The following DHX34 variants were observed in gnomAD, a reference collection of about 807,000 sequenced individuals.
DHX34 encodes DExH-box helicase 34, also known as probable ATP-dependent RNA helicase DHX34.
Under a neutral mutation model 111.1 loss-of-function variants are expected in DHX34, and 96 were observed. The observed-to-expected ratio is 0.86, with a 90% CI of 0.73 to 1.02. The LOEUF (loss-of-function observed/expected upper bound fraction) is 1.02, where lower values mean the gene tolerates loss of function less well. DHX34 is among the 50% of genes least tolerant of loss of function. The pLI, the probability that DHX34 is intolerant of heterozygous loss-of-function variation, is 0.00. For missense variants in DHX34, 1,560 were observed against 1,579.9 expected (o/e 0.99, Z 0.21); for synonymous variants, 688 against 670.4 (o/e 1.03, Z -0.41).
In DHX34 at chr19:47,352,819, GGTACCCTT is replaced by G; in HGVS notation, c.-211_-204del. On this transcript the variant is annotated 5_prime_UTR_variant, in exon 2 of 17. It removes the in-frame stop codon of an upstream open reading frame in the 5' UTR. Coordinates refer to ENST00000328771, the MANE Select transcript of DHX34 (RefSeq NM_014681.6). The stretch of plus-strand genomic sequence containing the variant: ...CCAGAGATCACTGCAGATGTCATGA[GGTACCCTT>G]TGTGTCACCAGCTCAAGCAGGCCTC... 1.1e-6 allele frequency: 1 copy of G among 937,122 alleles called. No individual in the cohort carries two copies. The highest frequency in any genetic ancestry group is 1.5e-6 in the Non-Finnish European group (1 of 651,308). The allele number at this position is 937,122 out of a possible 1,614,324, so 58.1% of individuals were successfully genotyped here. A position where few individuals can be genotyped will look rare whatever the true frequency, so the allele number is the denominator to read the frequency against.
Position 47,375,675 on chromosome 19 carries a change from C to G in DHX34, c.2274C>G (p.Ala758=), listed in dbSNP as rs781597628. 6.4e-7 allele frequency: 1 copy of G among 1,558,002 alleles called. No individual in the cohort carries two copies. The highest frequency in any genetic ancestry group is 8.7e-7 in the Non-Finnish European group (1 of 1,155,420). Residue 758 remains alanine, a synonymous_variant, in exon 10 of 17, where the codon GCC becomes GCG. Coordinates refer to ENST00000328771, the MANE Select transcript of DHX34 (RefSeq NM_014681.6). ...GSSDEDRAGP[A]PPGASDGVDI... ...GTGACGAGGACAGGGCTGGCCCAGCCCCCCCAGGGGCCAGTGATGGCGTGG... is the reference window on the plus strand; with the variant it reads ...GTGACGAGGACAGGGCTGGCCCAGCGCCCCCAGGGGCCAGTGATGGCGTGG...
chr19:47,350,381 G>A (rs1419089595), intron 1 of DHX34, among the ~76,000 whole-genome samples: 1 of 152,062 alleles, frequency 6.6e-6, no homozygotes, highest in Admixed American at 6.6e-5. Flanking sequence ...TTCAGGCTGG[G>A]TGACAGAGTG....
chr19:47,355,179 T>C lies in DHX34; in HGVS notation c.846T>C (p.His282=). The C allele has an allele frequency of 6.2e-7, 1 of 1,614,190 alleles. No individual in the cohort carries two copies. The highest frequency in any genetic ancestry group is 8.5e-7 in the Non-Finnish European group (1 of 1,180,032). The change falls in exon 3 of 17, where the codon CAT becomes CAC. Residue 282 remains histidine (H), a synonymous_variant. Transcript: ENST00000328771. The part of the protein sequence containing the change: ...QYEVLIVDEV[H]ERHLHNDFLL... Reference sequence around the variant, plus strand: ...AGGTCCTGATTGTGGATGAAGTCCATGAGCGGCATCTCCACAACGATTTCC... The same window carrying C: ...AGGTCCTGATTGTGGATGAAGTCCACGAGCGGCATCTCCACAACGATTTCC...
At chr19:47,369,956 T>C (rs1161711921) in intron 7 of DHX34, among the ~76,000 whole-genome samples, 1 of 152,074 alleles carries the variant, frequency 6.6e-6, no homozygotes, top group African/African-American at 2.4e-5. Flanking sequence ...CACAAGCAGA[T>C]GTGGTGCTCC....
At position 47,372,655 on chromosome 19, in the gene DHX34, G is replaced by A. The variant is rs1478009241; in HGVS notation, c.1769-75G>A. On this transcript the variant is annotated intron_variant, in intron 7 of 16. Transcript: ENST00000328771. ...GAGCAGGAGGGCAGGCGGGAGGGCA[G>A]GCTGGGGCCCCGAGGGGTGAGGGCT... The A allele has an allele frequency of 1.2e-5, 18 of 1,470,856 alleles. No homozygotes were observed. In the East Asian group the frequency reaches 4.6e-4, roughly 38 times the overall value. The allele number at this position is 1,470,856 out of a possible 1,614,324, so 91.1% of individuals were successfully genotyped here. A position where few individuals can be genotyped will look rare whatever the true frequency, so the allele number is the denominator to read the frequency against.
intron 7 of DHX34, among the ~76,000 whole-genome samples, chr19:47,370,781 A>T (rs1403839258): frequency 2.6e-5 from 4 of 152,006 alleles, no homozygotes; most frequent in Admixed American, 2.6e-4. Context: ...GGTTCAAGTG[A>T]TCCTCCCACC....
At position 47,381,483 on chromosome 19, in the gene DHX34, TC is replaced by T; in HGVS notation, c.3298+160del. 7 of 1,108,710 alleles carry T rather than the reference TC, an allele frequency of 6.3e-6. No individual in the cohort carries two copies. In the South Asian group the frequency reaches 1.2e-4, roughly 19 times the overall value. 68.7% of individuals were successfully genotyped at this position (1,108,710 alleles called of 1,614,324 possible). A position where few individuals can be genotyped will look rare whatever the true frequency, so the allele number is the denominator to read the frequency against. Reference sequence around the variant, plus strand: ...CCACACACAGGCCTTGTCCTGAAGATCAGGAGCCCAAGGCAGGGAGAGCCTG... The same window carrying T: ...CCACACACAGGCCTTGTCCTGAAGATAGGAGCCCAAGGCAGGGAGAGCCTG... On this transcript the variant is annotated intron_variant, in intron 16 of 16. Transcript: ENST00000328771.
rs1969801862 is a variant in DHX34 at position 47,366,904 on chromosome 19, T to G, written c.1594-77T>G. 2.8e-6 allele frequency: 4 copies of G among 1,419,198 alleles called. No homozygotes were observed. In the South Asian group the frequency reaches 6.5e-5, roughly 23 times the overall value. The allele number at this position is 1,419,198 out of a possible 1,614,324, so 87.9% of individuals were successfully genotyped here. A position where few individuals can be genotyped will look rare whatever the true frequency, so the allele number is the denominator to read the frequency against. ...TAGGAATTTTAAAACGTCATGAATT[T>G]GTGATCTCTGAGCCCCGCTGTGCTG... On this transcript the variant is annotated intron_variant, in intron 6 of 16. Coordinates refer to ENST00000328771, the MANE Select transcript of DHX34 (RefSeq NM_014681.6).
chr19:47,375,422 C>T, intron 9 of DHX34, 44 bp from the exon 10 acceptor site: 2 of 1,529,022 alleles, frequency 1.3e-6, no homozygotes, highest in Non-Finnish European at 8.7e-7. Flanking sequence ...CCAGAGCCCA[C>T]TGAGTCTGCC....
intron 1 of DHX34, among the ~76,000 whole-genome samples, chr19:47,352,519 T>TA (rs1969316836): frequency 6.6e-6 from 1 of 151,648 alleles, no homozygotes; most frequent in Admixed American, 6.6e-5. Flanking sequence ...CTACAAACAG[T>TA]AAAAAATTAG....
intron 13 of DHX34, among the ~76,000 whole-genome samples, chr19:47,378,819 AGAGT>A (rs1393735221): frequency 4.0e-5 from 6 of 151,612 alleles, no homozygotes; most frequent in Non-Finnish European, 8.8e-5. Flanking sequence ...CCTGGGTGAC[AGAGT>A]GAGACACTGT....
chr19:47,370,770 G>A (rs1387986849), intron 7 of DHX34, among the ~76,000 whole-genome samples: 1 of 152,120 alleles, frequency 6.6e-6, no homozygotes, highest in Non-Finnish European at 1.5e-5. Context: ...TCCACCTCCC[G>A]GGTTCAAGTG....
At chr19:47,370,670 T>TTTTATTTA (rs71180829) in intron 7 of DHX34, among the ~76,000 whole-genome samples, 4 of 151,392 alleles carry the variant, frequency 2.6e-5, no homozygotes, top group Admixed American at 2.0e-4. Flanking sequence ...TTCATTTTTG[T>TTTTATTTA]TTTATTTATT....
intron 4 of DHX34, chr19:47,359,761 G>A (rs1005850463): frequency 5.1e-5 from 42 of 823,182 alleles, no homozygotes; most frequent in South Asian, 4.4e-4. Flanking sequence ...CAGCCTGGGC[G>A]ACAGAGCAAG....
In DHX34 at chr19:47,353,283, C is replaced by G. The variant is rs201215344; in HGVS notation, c.253C>G (p.Gln85Glu). The G allele has an allele frequency of 5.0e-6, 8 of 1,614,182 alleles. No homozygotes were observed. The highest frequency in any genetic ancestry group is 2.2e-5 in the East Asian group (1 of 44,884). The change falls in exon 2 of 17, where the codon CAG becomes GAG. Residue 85 changes from glutamine to glutamate, a missense_variant. Coordinates refer to ENST00000328771, the MANE Select transcript of DHX34 (RefSeq NM_014681.6). The surrounding 1 kb of genome is among the most constrained non-coding windows in gnomAD (Gnocchi z 4.6). ...TSRKEEKDPG[Q>E]PKHSIPALAD... ...CAGGAAGGAGGAGAAAGACCCTGGA[C>G]AGCCCAAGCACAGCATCCCAGCGCT... is the stretch of plus-strand genomic sequence containing the variant.
In DHX34 at chr19:47,375,636, G is replaced by C. The variant is rs772294359; in HGVS notation, c.2235G>C (p.Gln745His). 5.8e-6 allele frequency: 9 copies of C among 1,552,676 alleles called. No homozygotes were observed. In the African/African-American group the frequency reaches 6.8e-5, roughly 12 times the overall value. ...AGGTGCTGCGGCTGCAGGAGGAGCA[G>C]GACGGCGGCTCCAGTGACGAGGACA... ...RRKVLRLQEE[Q>H]DGGSSDEDRA... The change falls in exon 10 of 17, where the codon CAG becomes CAC. Residue 745 changes from glutamine to histidine, a missense_variant. Physicochemically the swap from Gln to His is conservative, Grantham distance 24. Transcript: ENST00000328771.
At position 47,351,182 on chromosome 19, in the gene DHX34, T is replaced by C. The variant is rs990885451; in HGVS notation, c.-277-1572T>C. ...CTCATTTTCTTTTTCTTTTTTTTTT[T>C]TTTTTTTTTTTTTTGAGACAGAGTC... On this transcript the variant is annotated intron_variant, in intron 1 of 16. Coordinates refer to ENST00000328771, the MANE Select transcript of DHX34 (RefSeq NM_014681.6). Among the ~76,000 whole-genome samples the C allele has an allele frequency of 2.9e-5, 4 of 136,296 alleles. 1 individual carries two copies. The highest frequency in any genetic ancestry group is 8.2e-5 in the African/African-American group (3 of 36,744). The allele number at this position is 136,296 out of a possible 152,430, so 89.4% of individuals were successfully genotyped here.
chr19:47,356,900 C>T (rs1029143127), intron 3 of DHX34, among the ~76,000 whole-genome samples: 3 of 152,150 alleles, frequency 2.0e-5, no homozygotes, highest in Admixed American at 6.6e-5. Flanking sequence ...CTGCAGTGAG[C>T]CGAGATCATG....
At position 47,372,827 on chromosome 19, in the gene DHX34, C is replaced by G; in HGVS notation, c.1866C>G (p.Ala622=). ...LSVQSPFTRS[A]QSSPECAAAR... is the part of the protein sequence containing the mutation. ...TCCAGTCGCCCTTCACCCGCAGCGCCCAGAGCAGCCCAGAGTGCGCGGCAG... is the reference window on the plus strand; with the variant it reads ...TCCAGTCGCCCTTCACCCGCAGCGCGCAGAGCAGCCCAGAGTGCGCGGCAG... Residue 622 remains alanine, a synonymous_variant, in exon 8 of 17, where the codon GCC becomes GCG. Coordinates refer to ENST00000328771, the MANE Select transcript of DHX34 (RefSeq NM_014681.6). The G allele has an allele frequency of 6.2e-7, 1 of 1,612,922 alleles. No individual in the cohort carries two copies. The highest frequency in any genetic ancestry group is 8.5e-7 in the Non-Finnish European group (1 of 1,179,784).
Sources: allele counts gnomAD v4.1 joint callset (sites outside exome capture counted in the v4.1 genomes callset), GRCh38; gene constraint gnomAD v4.1.1; non-coding constraint Gnocchi (gnomAD v3.1); transcripts MANE v1.5; gene names NCBI Gene and HGNC (gene_info 2026-07-23, HGNC 2026-07-21).